OGT: variants seen among roughly 807,000 people sequenced by gnomAD.
OGT encodes the protein O-linked N-acetylglucosamine (GlcNAc) transferase.
OGT carries 3 observed loss-of-function variants against 75.8 expected under a neutral mutation model. The observed-to-expected ratio is 0.04, with a 90% CI of 0.02 to 0.10. The LOEUF (loss-of-function observed/expected upper bound fraction) is 0.10, where lower values mean the gene tolerates loss of function less well. Among genes scored for constraint, OGT ranks in the 10% least tolerant of loss-of-function variants. OGT has a pLI of 1.00. For synonymous variants in OGT, 257 were observed against 289.7 expected (o/e 0.89, Z 1.15); for missense variants, 260 against 824.4 (o/e 0.32, Z 8.38).
At chrX:71,560,222 T>C (rs191291170) in intron 14 of OGT, among the ~76,000 whole-genome samples, 1,072 of 93,347 alleles carry the variant, frequency 0.011, 19 homozygotes, top group African/African-American at 0.043. Flanking sequence ...GAGGTTGCAG[T>C]AAGCTGAGAT....
chrX:71,551,990 T>C (rs1442393565), intron 5 of OGT, among the ~76,000 whole-genome samples: 2 of 109,970 alleles, frequency 1.8e-5, no homozygotes, highest in African/African-American at 6.6e-5. Context: ...AGTGGATCAC[T>C]TGAGGTCAGG....
At chrX:71,547,032 G>A in intron 4 of OGT, 6 of 754,853 alleles carry the variant, frequency 7.9e-6, no homozygotes, top group Non-Finnish European at 9.4e-6. Flanking sequence ...GGTGTTCTAT[G>A]TAGCGCAGCA....
intron 3 of OGT, among the ~76,000 whole-genome samples, chrX:71,539,637 T>C (rs1276900844): frequency 2.7e-5 from 3 of 112,693 alleles, no homozygotes; most frequent in Non-Finnish European, 5.6e-5. Flanking sequence ...GTAAGTTTTA[T>C]TGCAATACTA....
intron 3 of OGT, among the ~76,000 whole-genome samples, chrX:71,541,500 C>T (rs892517114): frequency 1.8e-5 from 2 of 111,110 alleles, no homozygotes; most frequent in African/African-American, 6.6e-5. Context: ...GGACCTGACC[C>T]GTAAAGGAAA....
rs929103058 is a variant in OGT at position 71,554,673 on chromosome X, A to G, written c.728+81A>G. 6.6e-6 allele frequency: 5 copies of G among 761,645 alleles called. No individual in the cohort carries two copies. The African/African-American group carries it at 1.0e-4, about 16-fold the overall frequency. 62.8% of individuals were successfully genotyped at this position (761,645 alleles called of 1,213,427 possible). ...GACAGTTTGGACCGAAATGATGACAATAGTCCATTGAAGCATATTTGCCTT... is the reference window on the plus strand; with the variant it reads ...GACAGTTTGGACCGAAATGATGACAGTAGTCCATTGAAGCATATTTGCCTT... On this transcript the variant is annotated intron_variant, in intron 6 of 21. Transcript: ENST00000373719.
chrX:71,548,676 T>C (rs1288377287), intron 5 of OGT, among the ~76,000 whole-genome samples: 1 of 111,290 alleles, frequency 9.0e-6, no homozygotes, highest in Non-Finnish European at 1.9e-5. Flanking sequence ...AAACCAAATA[T>C]TGCATGTTCT....
intron 1 of OGT, among the ~76,000 whole-genome samples, chrX:71,535,125 G>GTT (rs762135465): frequency 3.6e-4 from 32 of 88,179 alleles, no homozygotes; most frequent in Non-Finnish European, 4.1e-4. Flanking sequence ...GTGACAAGCA[G>GTT]TTTTTTTTTT....
intron 15 of OGT, 148 bp from the exon 16 acceptor site, chrX:71,562,699 C>G (rs1230448695): frequency 6.7e-6 from 3 of 447,702 alleles, no homozygotes; most frequent in Non-Finnish European, 1.1e-5. Context: ...AATTTTGGCA[C>G]CTTTAGGTTC....
chrX:71,568,861 AAAAAAAAACCAAACAAAC>A (rs2040434229), intron 21 of OGT, among the ~76,000 whole-genome samples: 1 of 103,095 alleles, frequency 9.7e-6, no homozygotes, highest in Non-Finnish European at 2.0e-5. Flanking sequence ...CAAACAAACA[AAAAAAAAACCAAACAAAC>A]AAAAAAAACC....
At chrX:71,558,967 G>T (rs1377372832) in intron 12 of OGT, among the ~76,000 whole-genome samples, 1 of 93,197 alleles carries the variant, frequency 1.1e-5, no homozygotes, top group African/African-American at 3.9e-5. Context: ...TTTTTTAGTA[G>T]AGATTGGATT....
intron 1 of OGT, 151 bp from the exon 2 acceptor site, chrX:71,536,027 A>G (rs1198436359): frequency 2.1e-5 from 8 of 382,328 alleles, no homozygotes; most frequent in Non-Finnish European, 3.5e-5. Context: ...TTGAAGATAT[A>G]CATAACGTGC....
At chrX:71,569,487 C>A (rs1212180725) in intron 21 of OGT, among the ~76,000 whole-genome samples, 1 of 110,726 alleles carries the variant, frequency 9.0e-6, no homozygotes, top group East Asian at 2.8e-4. Context: ...ACTAGTATTT[C>A]TTTCATTCTT....
At chrX:71,547,474 C>T in intron 4 of OGT, 1 of 767,360 alleles carries the variant, frequency 1.3e-6, no homozygotes, top group Non-Finnish European at 1.5e-6. Flanking sequence ...CTCTTAACAC[C>T]TCATAGAACA....
In OGT at chrX:71,574,527, A is replaced by G. The variant is rs1244991596; in HGVS notation, c.*733A>G. ...AACTAACAAAATCAAGCCTGATTCA[A>G]AACATCCTAGGGTGTTTTAAACACA... On this transcript the variant is annotated 3_prime_UTR_variant, in exon 22 of 22. Coordinates refer to ENST00000373719, the MANE Select transcript of OGT (RefSeq NM_181672.3). The G allele has an allele frequency of 9.0e-6, 1 of 111,613 alleles. No individual in the cohort carries two copies. The highest frequency in any genetic ancestry group is 1.9e-5 in the Non-Finnish European group (1 of 53,112). The allele number at this position is 111,613 out of a possible 1,213,427, so 9.2% of individuals were successfully genotyped here.
At chrX:71,542,824 G>A (rs768290274) in intron 3 of OGT, among the ~76,000 whole-genome samples, 2 of 112,549 alleles carry the variant, frequency 1.8e-5, no homozygotes, top group South Asian at 3.6e-4. Flanking sequence ...TAGATAGCAA[G>A]ATTATATAAT....
chrX:71,548,574 C>T (rs2040278620), intron 5 of OGT, among the ~76,000 whole-genome samples: 1 of 112,366 alleles, frequency 8.9e-6, no homozygotes, highest in Admixed American at 9.4e-5. Context: ...CCATGGAATA[C>T]CATGTAGCCA....
chrX:71,573,891 C>G lies in OGT; in HGVS notation c.*97C>G. On this transcript the variant is annotated 3_prime_UTR_variant, in exon 22 of 22. Transcript: ENST00000373719. ...ATACTTCTTACTTGTCTGTACAGTA[C>G]CTTGTTGCAGATGGGTGATATATAA... is the stretch of plus-strand genomic sequence containing the variant. 1.6e-6 allele frequency: 1 copy of G among 634,229 alleles called. No individual in the cohort carries two copies. The allele number at this position is 634,229 out of a possible 1,213,427, so 52.3% of individuals were successfully genotyped here. A position where few individuals can be genotyped will look rare whatever the true frequency, so the allele number is the denominator to read the frequency against.
chrX:71,557,534 G>A lies in OGT; in HGVS notation c.1464G>A (p.Lys488=). ...CAGACTATGATGAGCGAATGAAGAAGTTGGTCAGTATTGTGGCTGACCAGT... is the reference window on the plus strand; with the variant it reads ...CAGACTATGATGAGCGAATGAAGAAATTGGTCAGTATTGTGGCTGACCAGT... The part of the protein sequence containing the change: ...DWTDYDERMK[K]LVSIVADQLE... Residue 488 remains lysine (K), a synonymous_variant, in exon 12 of 22, where the codon AAG becomes AAA. Coordinates refer to ENST00000373719, the MANE Select transcript of OGT (RefSeq NM_181672.3). 1 of 1,210,248 alleles carries A rather than the reference G, an allele frequency of 8.3e-7. No homozygotes were observed. The highest frequency in any genetic ancestry group is 1.1e-6 in the Non-Finnish European group (1 of 894,876).
chrX:71,536,414 A>G (rs2040175673), intron 2 of OGT, 56 bp downstream of exon 2: 2 of 946,090 alleles, frequency 2.1e-6, no homozygotes, highest in Non-Finnish European at 2.8e-6. Flanking sequence ...CTGAGCTTGA[A>G]AAATGATACT....
Sources: allele counts gnomAD v4.1 joint callset (sites outside exome capture counted in the v4.1 genomes callset), GRCh38; gene constraint gnomAD v4.1.1; transcripts MANE v1.5; gene names NCBI Gene and HGNC (gene_info 2026-07-23, HGNC 2026-07-21).